Variants in TTC27 observed in about 807,000 individuals in gnomAD.
The protein encoded by TTC27 is tetratricopeptide repeat domain 27, also known as tetratricopeptide repeat protein 27.
A neutral mutation model predicts 115.9 loss-of-function variants in TTC27; 79 were observed. The ratio of observed to expected loss-of-function variants is 0.68; its 90% CI spans 0.57 to 0.82. The LOEUF (loss-of-function observed/expected upper bound fraction) is 0.82. Among genes scored for constraint, TTC27 ranks in the 40% least tolerant of loss-of-function variants. The pLI, the probability that TTC27 is intolerant of heterozygous loss-of-function variation, is 0.00. For synonymous variants in TTC27, 401 were observed against 356.0 expected (o/e 1.13, Z -1.42); for missense variants, 1,054 against 993.1 (o/e 1.06, Z -0.82).
At chr2:32,744,066 AAC>A (rs1478772671) in intron 12 of TTC27, among the ~76,000 whole-genome samples, 2 of 152,364 alleles carry the variant, frequency 1.3e-5, no homozygotes, top group African/African-American at 2.4e-5. Flanking sequence ...ACTTACTACA[AAC>A]ACAGTTATAG....
chr2:32,673,473 C>T (rs1460120322), intron 8 of TTC27, among the ~76,000 whole-genome samples: 2 of 151,954 alleles, frequency 1.3e-5, no homozygotes, highest in African/African-American at 4.8e-5. Context: ...CTGATCCGCC[C>T]GCCTCGGCCT....
chr2:32,712,557 C>CT (rs955750328), intron 10 of TTC27, among the ~76,000 whole-genome samples: 41 of 150,382 alleles, frequency 2.7e-4, no homozygotes, highest in African/African-American at 8.8e-4. Context: ...CTTTTTTTTT[C>CT]TTTTTTTTCT....
Position 32,664,289 on chromosome 2 carries a change from C to G in TTC27, c.641-14C>G. 1.9e-6 allele frequency: 3 copies of G among 1,576,216 alleles called. No homozygotes were observed. The highest frequency in any genetic ancestry group is 1.2e-5 in the South Asian group (1 of 84,778). On this transcript the variant is annotated splice_polypyrimidine_tract_variant and intron_variant, in intron 5 of 19. Transcript: ENST00000317907. ...CTCATCATAACTTTTAATGTTTTAT[C>G]TTTTGTCTTGCAGTGATGAAACTAC...
chr2:32,766,329 GTTC>G, intron 13 of TTC27: 1 of 203,720 alleles, frequency 4.9e-6, no homozygotes, highest in East Asian at 1.2e-4. Context: ...CTCGCTTCTA[GTTC>G]TTCTGTGATC....
chr2:32,650,324 T>G, intron 5 of TTC27, 91 bp downstream of exon 5: 32 of 744,654 alleles, frequency 4.3e-5, no homozygotes, highest in Non-Finnish European at 6.2e-5. Context: ...TTTTGTCCGG[T>G]AGTAGTGCCT....
At chr2:32,818,038 C>G (rs1320929249) in intron 19 of TTC27, among the ~76,000 whole-genome samples, 5 of 151,118 alleles carry the variant, frequency 3.3e-5, no homozygotes, top group Admixed American at 6.6e-5. Flanking sequence ...GCCTGGGTGA[C>G]AGAGTGAGAT....
At chr2:32,636,131 A>G (rs1464690638) in intron 3 of TTC27, among the ~76,000 whole-genome samples, 3 of 152,212 alleles carry the variant, frequency 2.0e-5, no homozygotes, top group Non-Finnish European at 4.4e-5. Flanking sequence ...GCCCTATAGT[A>G]TAGATTAGAA....
intron 10 of TTC27, among the ~76,000 whole-genome samples, chr2:32,716,894 A>G (rs2151908092): frequency 6.6e-6 from 1 of 151,862 alleles, no homozygotes; most frequent in South Asian, 2.1e-4. Context: ...GAGTCTTGCC[A>G]TGTTGCCCAA....
intron 16 of TTC27, among the ~76,000 whole-genome samples, chr2:32,808,226 C>T (rs1318245840): frequency 6.6e-6 from 1 of 151,986 alleles, no homozygotes; most frequent in Non-Finnish European, 1.5e-5. Flanking sequence ...TGAGCCACTA[C>T]GCCCAACCTA....
intron 9 of TTC27, among the ~76,000 whole-genome samples, chr2:32,691,043 A>G (rs896548838): frequency 2.6e-5 from 4 of 152,174 alleles, no homozygotes. Flanking sequence ...TGTTTAAAGG[A>G]GTAGCCTGGT....
In TTC27 at chr2:32,778,081, G is replaced by C. The variant is rs150350354; in HGVS notation, c.1779+101G>C. ...AACAGCAATTCCTTTTGTGTTGGAG[G>C]AAAGTGTACATTTGAGGGAAGGTCG... is the stretch of plus-strand genomic sequence containing the variant. On this transcript the variant is annotated intron_variant, in intron 14 of 19. Transcript: ENST00000317907. The C allele has an allele frequency of 4.0e-5, 45 of 1,123,368 alleles. No individual in the cohort carries two copies. The African/African-American group carries it at 6.5e-4, about 16-fold the overall frequency. The allele number at this position is 1,123,368 out of a possible 1,614,324, so 69.6% of individuals were successfully genotyped here.
chr2:32,817,804 C>G (rs1360358802), intron 19 of TTC27, among the ~76,000 whole-genome samples: 3 of 152,058 alleles, frequency 2.0e-5, no homozygotes, highest in Non-Finnish European at 4.4e-5. Context: ...GCCTGTAATC[C>G]CAGCACTTTG....
At chr2:32,732,791 A>G (rs952800370) in intron 10 of TTC27, among the ~76,000 whole-genome samples, 1 of 152,218 alleles carries the variant, frequency 6.6e-6, no homozygotes, top group African/African-American at 2.4e-5. Flanking sequence ...GCATAATAAC[A>G]TCAGGAAATT....
intron 13 of TTC27, among the ~76,000 whole-genome samples, chr2:32,764,001 T>C (rs756839389): frequency 2.0e-4 from 30 of 152,186 alleles, no homozygotes; most frequent in Admixed American, 3.3e-4. Flanking sequence ...TCTACTTTTA[T>C]GCAAAAATGT....
chr2:32,743,247 G>A (rs891323712), intron 12 of TTC27, among the ~76,000 whole-genome samples: 4 of 152,156 alleles, frequency 2.6e-5, no homozygotes, highest in East Asian at 1.9e-4. Flanking sequence ...CAAAATTTCC[G>A]CTAATTCACA....
chr2:32,673,309 C>G (rs1314406813), intron 8 of TTC27, among the ~76,000 whole-genome samples: 2 of 150,754 alleles, frequency 1.3e-5, no homozygotes, highest in Non-Finnish European at 2.9e-5. Flanking sequence ...ATTGCAACCT[C>G]CGCCCCACGG....
chr2:32,645,003 T>G (rs1664803077), intron 4 of TTC27, among the ~76,000 whole-genome samples: 1 of 151,868 alleles, frequency 6.6e-6, no homozygotes, highest in Non-Finnish European at 1.5e-5. Context: ...GCTTATATCT[T>G]TCTCTTAATG....
At chr2:32,687,145 T>C (rs989390142) in intron 9 of TTC27, among the ~76,000 whole-genome samples, 7 of 152,188 alleles carry the variant, frequency 4.6e-5, no homozygotes, top group Non-Finnish European at 1.0e-4. Context: ...CACCTGGCCA[T>C]TTCTTGGTAT....
rs184050728 is a variant in TTC27, at chr2:32,803,382, C to T, written c.1999-7642C>T. 2.2e-3 allele frequency among the ~76,000 whole-genome samples: 334 copies of T among 152,290 alleles called. 1 individual carries two copies. The highest frequency in any genetic ancestry group is 7.5e-3 in the African/African-American group (310 of 41,550). ...TGGGCTGGCACTGCTGTTTCAGTCT[C>T]TCCATGCTGATGGTAAATGTCATGG... On this transcript the variant is annotated intron_variant, in intron 16 of 19. Coordinates refer to ENST00000317907, the MANE Select transcript of TTC27 (RefSeq NM_017735.5).
Sources: gnomAD v4.1 joint callset for allele counts (sites outside exome capture counted in the v4.1 genomes callset) on GRCh38, gnomAD v4.1.1 for gene constraint, MANE v1.5 for transcripts, NCBI Gene and HGNC (gene_info 2026-07-23, HGNC 2026-07-21) for gene names.